Variants in SNX29 observed in about 807,000 individuals in gnomAD.
SNX29 encodes the protein sorting nexin 29.
A neutral mutation model predicts 102.1 loss-of-function variants in SNX29; 78 were observed. The observed-to-expected ratio is 0.76, with a 90% CI of 0.64 to 0.92. The LOEUF is 0.92. Among genes scored for constraint, SNX29 ranks in the 40% least tolerant of loss-of-function variants. The pLI, the probability that SNX29 is intolerant of heterozygous loss-of-function variation, is 0.00. For synonymous variants in SNX29, 580 were observed against 414.5 expected, an observed-to-expected ratio of 1.40 and a Z score of -4.85; for missense variants, 1,280 against 1,061.7, an observed-to-expected ratio of 1.21 and a Z score of -2.86.
chr16:12,562,599 G>A (rs986422644), intron 20 of SNX29, among the ~76,000 whole-genome samples: 1 of 152,186 alleles, frequency 6.6e-6, no homozygotes, highest in Non-Finnish European at 1.5e-5. Context: ...GGGGACAAAG[G>A]TCGCTGGCTC....
At chr16:12,564,860 G>C (rs907040548) in intron 20 of SNX29, among the ~76,000 whole-genome samples, 2 of 150,990 alleles carry the variant, frequency 1.3e-5, no homozygotes, top group Non-Finnish European at 1.5e-5. Context: ...AGGGCTATGA[G>C]AGATGAGAAT....
At chr16:12,179,381 A>T (rs1218849810) in intron 13 of SNX29, among the ~76,000 whole-genome samples, 2 of 152,220 alleles carry the variant, frequency 1.3e-5, no homozygotes, top group African/African-American at 2.4e-5. Context: ...GCTACTCGGG[A>T]GGCCGAGGCA....
At chr16:12,148,121 A>G (rs777882668) in intron 13 of SNX29, among the ~76,000 whole-genome samples, 25 of 152,144 alleles carry the variant, frequency 1.6e-4, no homozygotes, top group Non-Finnish European at 3.5e-4. Context: ...AAAATGTTTT[A>G]TTTTAAGCAG....
intron 20 of SNX29, among the ~76,000 whole-genome samples, chr16:12,542,441 G>A (rs1369975610): frequency 1.3e-5 from 2 of 152,194 alleles, no homozygotes; most frequent in African/African-American, 2.4e-5. Flanking sequence ...GTTCAATTTT[G>A]TTTCCTCAGC....
intron 15 of SNX29, among the ~76,000 whole-genome samples, chr16:12,322,669 G>C (rs185750575): frequency 6.6e-6 from 1 of 151,928 alleles, no homozygotes; most frequent in Non-Finnish European, 1.5e-5. Context: ...CAGTCACTGG[G>C]GACTACCATT....
chr16:12,572,617 C>G lies in SNX29; in HGVS notation c.*3988C>G. On this transcript the variant is annotated 3_prime_UTR_variant, in exon 21 of 21. Transcript: ENST00000566228. ...AGTGAGCCCCCTCCCCTCCGGCTAC[C>G]CCCAGAATCCATCCTTCATTCCTCC... 4.7e-6 allele frequency: 5 copies of G among 1,063,768 alleles called. No individual in the cohort carries two copies. The highest frequency in any genetic ancestry group is 5.7e-6 in the Non-Finnish European group (5 of 878,264). The allele number at this position is 1,063,768 out of a possible 1,614,324, so 65.9% of individuals were successfully genotyped here.
intron 16 of SNX29, among the ~76,000 whole-genome samples, chr16:12,384,025 A>C (rs926658462): frequency 6.6e-6 from 1 of 152,120 alleles, no homozygotes; most frequent in Non-Finnish European, 1.5e-5. Context: ...CTCCAGTTCC[A>C]TCCATGTTGT....
At chr16:12,406,888 G>T (rs1055246955) in intron 18 of SNX29, among the ~76,000 whole-genome samples, 2 of 152,182 alleles carry the variant, frequency 1.3e-5, no homozygotes, top group Admixed American at 1.3e-4. Flanking sequence ...AAGCCTGGGC[G>T]ACAGAGCGAG....
At chr16:12,262,088 C>G (rs1298145886) in intron 14 of SNX29, among the ~76,000 whole-genome samples, 2 of 151,572 alleles carry the variant, frequency 1.3e-5, no homozygotes, top group Admixed American at 1.3e-4. Context: ...GCGCGCGTCC[C>G]CGGCTGAAGT....
intron 14 of SNX29, among the ~76,000 whole-genome samples, chr16:12,257,643 G>A (rs1351693734): frequency 1.3e-5 from 2 of 151,964 alleles, no homozygotes; most frequent in African/African-American, 4.8e-5. Flanking sequence ...TGAGTAGTTG[G>A]GAAGTTGGAA....
chr16:12,174,125 A>G (rs1385075756), intron 13 of SNX29, among the ~76,000 whole-genome samples: 1 of 152,182 alleles, frequency 6.6e-6, no homozygotes, highest in Non-Finnish European at 1.5e-5. Context: ...AAGTCTGAAT[A>G]ACCCAAGGTC....
chr16:12,568,109 G>T (rs933992781), intron 20 of SNX29, among the ~76,000 whole-genome samples: 2 of 152,166 alleles, frequency 1.3e-5, no homozygotes, highest in East Asian at 3.9e-4. Flanking sequence ...TACGCATCTT[G>T]TGTGGCTTTA....
rs2050337253 is a variant in SNX29 at position 12,052,241 on chromosome 16, T to G, written c.1124+19T>G. 2 of 1,613,336 alleles carry G rather than the reference T, an allele frequency of 1.2e-6. No individual in the cohort carries two copies. Among genetic ancestry groups the G allele is most frequent in the East Asian group, 4.5e-5 (2 of 44,866 alleles). On this transcript the variant is annotated intron_variant, in intron 8 of 20. Coordinates refer to ENST00000566228, the MANE Select transcript of SNX29 (RefSeq NM_032167.5). ...CCGAGAAGTAAGTTTGTGTGTAAGGTGGAGTCTCACCGTCCCCCAGGCTGG... is the reference window on the plus strand; with the variant it reads ...CCGAGAAGTAAGTTTGTGTGTAAGGGGGAGTCTCACCGTCCCCCAGGCTGG...
intron 18 of SNX29, among the ~76,000 whole-genome samples, chr16:12,411,215 C>T (rs1174501589): frequency 6.6e-6 from 1 of 152,142 alleles, no homozygotes; most frequent in African/African-American, 2.4e-5. Context: ...TGTTGTATAC[C>T]AGGTAGACAG....
intron 16 of SNX29, among the ~76,000 whole-genome samples, chr16:12,364,357 C>G (rs972951779): frequency 1.3e-5 from 2 of 151,738 alleles, no homozygotes; most frequent in Non-Finnish European, 2.9e-5. Flanking sequence ...TCCTTTTAAG[C>G]TAAGACACTT....
chr16:12,448,848 A>G (rs540142446), intron 18 of SNX29, among the ~76,000 whole-genome samples: 19 of 152,230 alleles, frequency 1.2e-4, no homozygotes, highest in Admixed American at 1.2e-3. Context: ...ATTTTCTTCT[A>G]ACTAAGCATC....
At chr16:12,526,707 A>T in intron 20 of SNX29, 1 of 487,902 alleles carries the variant, frequency 2.0e-6, no homozygotes. Flanking sequence ...TGAGTTAGCC[A>T]GTTGTTCCTA....
chr16:12,015,838 C>A (rs1387849609), intron 3 of SNX29, among the ~76,000 whole-genome samples: 1 of 150,564 alleles, frequency 6.6e-6, no homozygotes, highest in African/African-American at 2.4e-5. Flanking sequence ...TGCCCAGCCT[C>A]CAAGTTATAG....
intron 16 of SNX29, among the ~76,000 whole-genome samples, chr16:12,378,123 G>C (rs571563634): frequency 4.7e-4 from 71 of 152,300 alleles, no homozygotes; most frequent in Non-Finnish European, 7.4e-4. Context: ...ATTGTGTTTT[G>C]TGTTGCTGCA....
Sources: gnomAD v4.1 joint callset for allele counts (sites outside exome capture counted in the v4.1 genomes callset) on GRCh38, gnomAD v4.1.1 for gene constraint, MANE v1.5 for transcripts, NCBI Gene and HGNC (gene_info 2026-07-23, HGNC 2026-07-21) for gene names.